Variants in TRIM71 observed in about 807,000 individuals in gnomAD.
The protein encoded by TRIM71 is E3 ubiquitin-protein ligase TRIM71.
A neutral mutation model predicts 61.2 loss-of-function variants in TRIM71; 9 were observed. The observed-to-expected ratio is 0.15, with a 90% CI of 0.09 to 0.26. TRIM71 has a LOEUF of 0.26. Ranked by LOEUF, TRIM71 falls within the 10% of genes least tolerant of loss-of-function variation. The pLI, the probability that TRIM71 is intolerant of heterozygous loss-of-function variation, is 1.00. For missense variants in TRIM71, 998 were observed against 1,238.7 expected, an observed-to-expected ratio of 0.81 and a Z score of 2.92; for synonymous variants, 645 against 553.2, an observed-to-expected ratio of 1.17 and a Z score of -2.33.
Position 32,890,217 on chromosome 3 carries a change from AAGAAAGAC to A in TRIM71, c.1156-139_1156-132del, listed in dbSNP as rs1697009266. ...GTCCATTTTGATTTTGCTGCTTTTGAAGAAAGACAGATGTCTTTTGTAGACCATCCCAC... is the reference window on the plus strand; with the variant it reads ...GTCCATTTTGATTTTGCTGCTTTTGAAGATGTCTTTTGTAGACCATCCCAC... On this transcript the variant is annotated intron_variant, in intron 3 of 3. Coordinates refer to ENST00000383763, the MANE Select transcript of TRIM71 (RefSeq NM_001039111.3). The surrounding 1 kb of genome is among the most constrained non-coding windows in gnomAD (Gnocchi z 6.2). 8.4e-7 allele frequency: 1 copy of A among 1,196,584 alleles called. No homozygotes were observed. The highest frequency in any genetic ancestry group is 1.5e-5 in the African/African-American group (1 of 65,606). The allele number at this position is 1,196,584 out of a possible 1,614,324, so 74.1% of individuals were successfully genotyped here.
rs567812022 is a variant in TRIM71 at position 32,841,009 on chromosome 3, G to A, written c.852+22077G>A. Among the ~76,000 whole-genome samples, 4 of 152,312 alleles carry A rather than the reference G, an allele frequency of 2.6e-5. No individual in the cohort carries two copies. The South Asian group carries it at 8.3e-4, about 32-fold the overall frequency. The stretch of plus-strand genomic sequence containing the variant: ...CGCCTGTAATCCCAGCACTTTGGGA[G>A]GCCGAGGTGGGTGGACCATGAGGTC... On this transcript the variant is annotated intron_variant, in intron 1 of 3. Coordinates refer to ENST00000383763, the MANE Select transcript of TRIM71 (RefSeq NM_001039111.3).
intron 1 of TRIM71, among the ~76,000 whole-genome samples, chr3:32,841,256 CAAAA>C (rs1575345582): frequency 1.3e-5 from 2 of 151,930 alleles, no homozygotes; most frequent in East Asian, 3.9e-4. Flanking sequence ...AAAAACAAAA[CAAAA>C]AACAAACCCA....
chr3:32,875,695 G>A (rs1039625808), intron 2 of TRIM71, among the ~76,000 whole-genome samples: 7 of 152,106 alleles, frequency 4.6e-5, no homozygotes, highest in Admixed American at 6.6e-5. Context: ...TTAGCCGGGT[G>A]TGGTGTGACA....
At chr3:32,871,235 T>G (rs1428162156) in intron 1 of TRIM71, among the ~76,000 whole-genome samples, 2 of 152,104 alleles carry the variant, frequency 1.3e-5, no homozygotes, top group Admixed American at 6.5e-5. Flanking sequence ...GATGGTTCCA[T>G]AGCCAGGTAG....
chr3:32,822,908 G>A (rs1696157337), intron 1 of TRIM71, among the ~76,000 whole-genome samples: 1 of 152,076 alleles, frequency 6.6e-6, no homozygotes, highest in Non-Finnish European at 1.5e-5. Context: ...ATTGGAATCC[G>A]ATTGATTCAT....
chr3:32,827,639 TTTTA>T (rs1696220068), intron 1 of TRIM71, among the ~76,000 whole-genome samples: 1 of 152,022 alleles, frequency 6.6e-6, no homozygotes, highest in Non-Finnish European at 1.5e-5. Context: ...CATTAATAGG[TTTTA>T]AAGCAGAGCA....
rs563206195 is a variant in TRIM71 at position 32,895,578 on chromosome 3, C to G, written c.*3767C>G. 2 of 152,182 alleles carry G rather than the reference C, an allele frequency of 1.3e-5. No individual in the cohort carries two copies. Among genetic ancestry groups the G allele is most frequent in the South Asian group, 2.1e-4 (1 of 4,806 alleles). The allele number at this position is 152,182 out of a possible 1,614,324, so 9.4% of individuals were successfully genotyped here. A position where few individuals can be genotyped will look rare whatever the true frequency, so the allele number is the denominator to read the frequency against. Reference sequence around the variant, plus strand: ...AAAGTTTTAGGCTTGTTTTTCTGATCTTATTTTTTTAATCCAGTGGTGCCA... The same window carrying G: ...AAAGTTTTAGGCTTGTTTTTCTGATGTTATTTTTTTAATCCAGTGGTGCCA... On this transcript the variant is annotated 3_prime_UTR_variant, in exon 4 of 4. Coordinates refer to ENST00000383763, the MANE Select transcript of TRIM71 (RefSeq NM_001039111.3).
chr3:32,875,055 A>G (rs1442396957), intron 2 of TRIM71, among the ~76,000 whole-genome samples: 1 of 152,170 alleles, frequency 6.6e-6, no homozygotes, highest in Non-Finnish European at 1.5e-5. Context: ...TCCTGACCTC[A>G]GGTGATCCAC....
intron 2 of TRIM71, among the ~76,000 whole-genome samples, chr3:32,882,216 T>TA (rs892194660): frequency 6.6e-6 from 1 of 151,990 alleles, no homozygotes; most frequent in African/African-American, 2.4e-5. Flanking sequence ...AAGTTAGATG[T>TA]AAAAAAATCA....
At chr3:32,842,269 A>C (rs146566252) in intron 1 of TRIM71, among the ~76,000 whole-genome samples, 314 of 152,322 alleles carry the variant, frequency 2.1e-3, no homozygotes, top group African/African-American at 6.6e-3. Context: ...GACTCCCAGG[A>C]AGCTCAGAGC....
chr3:32,868,234 C>T (rs1279408938), intron 1 of TRIM71, among the ~76,000 whole-genome samples: 2 of 151,936 alleles, frequency 1.3e-5, no homozygotes, highest in Non-Finnish European at 2.9e-5. Flanking sequence ...GTGTTGAGAA[C>T]AGAAACTGGT....
chr3:32,834,591 G>C (rs1448701204), intron 1 of TRIM71, among the ~76,000 whole-genome samples: 2 of 152,086 alleles, frequency 1.3e-5, no homozygotes, highest in Non-Finnish European at 2.9e-5. Flanking sequence ...TCTTATAAAA[G>C]GAGGGATGGT....
intron 1 of TRIM71, among the ~76,000 whole-genome samples, chr3:32,855,273 A>G (rs1484001125): frequency 2.0e-5 from 3 of 151,746 alleles, no homozygotes; most frequent in African/African-American, 7.3e-5. Flanking sequence ...CTTTGAGGAA[A>G]GTTAAGTCGG....
At chr3:32,825,822 A>G (rs1450449831) in intron 1 of TRIM71, among the ~76,000 whole-genome samples, 1 of 152,134 alleles carries the variant, frequency 6.6e-6, no homozygotes, top group Non-Finnish European at 1.5e-5. Flanking sequence ...AGTAAGCTTG[A>G]TCCATCTTTC....
chr3:32,854,368 T>A (rs1696573325), intron 1 of TRIM71, among the ~76,000 whole-genome samples: 1 of 152,222 alleles, frequency 6.6e-6, no homozygotes, highest in African/African-American at 2.4e-5. Context: ...GACACCTCAT[T>A]CATGGACATA....
intron 1 of TRIM71, among the ~76,000 whole-genome samples, chr3:32,821,840 C>CG (rs1346915081): frequency 6.6e-6 from 1 of 151,642 alleles, no homozygotes; most frequent in Admixed American, 6.6e-5. Context: ...CCGGCCAGCC[C>CG]GGAGCCTGCC....
At position 32,893,881 on chromosome 3, in the gene TRIM71, AGAG is replaced by A. The variant is rs965423001; in HGVS notation, c.*2074_*2076del. 1 of 152,114 alleles carries A rather than the reference AGAG, an allele frequency of 6.6e-6. No individual in the cohort carries two copies. Among genetic ancestry groups the A allele is most frequent in the African/African-American group, 2.4e-5 (1 of 41,436 alleles). 9.4% of individuals were successfully genotyped at this position (152,114 alleles called of 1,614,324 possible). On this transcript the variant is annotated 3_prime_UTR_variant, in exon 4 of 4. Transcript: ENST00000383763. ...AAGGAAAAAAAAAACCTCATCTCAC[AGAG>A]GAGAACTGCATGCAATAAAAGATTC...
Position 32,818,024 on chromosome 3 carries a change from TC to T in TRIM71, c.-55del. ...TCCCCCACCCACCTCGTCCGCTCTC[TC>T]CTCCTCCTCCTCCTCTTCCTCTCTG... On this transcript the variant is annotated 5_prime_UTR_variant, in exon 1 of 4. Transcript: ENST00000383763. 2 of 1,272,874 alleles carry T rather than the reference TC, an allele frequency of 1.6e-6. No homozygotes were observed. Among genetic ancestry groups the T allele is most frequent in the East Asian group, 2.7e-5 (1 of 37,332 alleles). 78.8% of individuals were successfully genotyped at this position (1,272,874 alleles called of 1,614,324 possible).
intron 1 of TRIM71, among the ~76,000 whole-genome samples, chr3:32,846,072 C>CTT (rs35520432): frequency 7.5e-5 from 7 of 92,760 alleles, no homozygotes; most frequent in Non-Finnish European, 8.5e-5. Flanking sequence ...TGGTAAGCCA[C>CTT]TTTTTTTTTT....
Sources: allele counts gnomAD v4.1 joint callset (sites outside exome capture counted in the v4.1 genomes callset), GRCh38; gene constraint gnomAD v4.1.1; non-coding constraint Gnocchi (gnomAD v3.1); transcripts MANE v1.5; gene names NCBI Gene and HGNC (gene_info 2026-07-23, HGNC 2026-07-21).